NWD2: variants seen among roughly 807,000 people sequenced by gnomAD.
The protein encoded by NWD2 is NACHT and WD repeat domain containing 2.
In NWD2, 37 loss-of-function variants were observed where a neutral mutation model predicts 132.7. The observed-to-expected ratio is 0.28, with a 90% CI of 0.21 to 0.37. NWD2 has a LOEUF of 0.37. Among genes scored for constraint, NWD2 ranks in the 10% least tolerant of loss-of-function variants. The probability of loss-of-function intolerance (pLI) is 1.00; values close to 1 mark genes in which losing one functional copy is unlikely to be tolerated. For missense variants in NWD2, 1,592 were observed against 2,122.4 expected, an observed-to-expected ratio of 0.75 and a Z score of 4.91; for synonymous variants, 705 against 803.0, an observed-to-expected ratio of 0.88 and a Z score of 2.06.
chr4:37,360,290 G>A (rs986442809), intron 3 of NWD2, among the ~76,000 whole-genome samples: 4 of 152,054 alleles, frequency 2.6e-5, no homozygotes, highest in Non-Finnish European at 5.9e-5. Flanking sequence ...TTTCAAATAA[G>A]AATAAAAAGT....
chr4:37,400,451 G>A (rs1194982241), intron 3 of NWD2, among the ~76,000 whole-genome samples: 2 of 152,154 alleles, frequency 1.3e-5, no homozygotes, highest in Non-Finnish European at 1.5e-5. Flanking sequence ...CCTCCCTTGA[G>A]TGACACAGAG....
intron 5 of NWD2, among the ~76,000 whole-genome samples, chr4:37,437,988 G>A (rs779504979): frequency 8.5e-5 from 13 of 152,096 alleles, no homozygotes; most frequent in East Asian, 5.8e-4. Context: ...TGGGCTGGGC[G>A]TGGTGGCTCA....
chr4:37,306,797 C>T (rs1267722300), intron 1 of NWD2, among the ~76,000 whole-genome samples: 7 of 151,994 alleles, frequency 4.6e-5, no homozygotes, highest in South Asian at 2.1e-4. Context: ...CCAAAGCAGG[C>T]GGATCACACG....
chr4:37,314,746 C>T lies in NWD2; in HGVS notation c.152-11190C>T, dbSNP rs558339548. On this transcript the variant is annotated intron_variant, in intron 1 of 6. Transcript: ENST00000309447. ...CTTTTTACTTTAGCAATTTTTCTCT[C>T]AGTTTTCTTTTATTGTTTCATTGAT... Among the ~76,000 whole-genome samples the T allele has an allele frequency of 5.3e-5, 8 of 152,144 alleles. No homozygotes were observed. The South Asian group carries it at 8.3e-4, about 16-fold the overall frequency.
chr4:37,339,103 A>G (rs1459332973), intron 2 of NWD2, among the ~76,000 whole-genome samples: 2 of 152,304 alleles, frequency 1.3e-5, no homozygotes, highest in East Asian at 3.9e-4. Flanking sequence ...GTCTCTTCAC[A>G]TTTCAGTCAT....
chr4:37,428,376 A>G (rs1051633140), intron 3 of NWD2, among the ~76,000 whole-genome samples: 1 of 152,262 alleles, frequency 6.6e-6, no homozygotes, highest in African/African-American at 2.4e-5. Flanking sequence ...CATGGATACA[A>G]TAAAGCAGAC....
At chr4:37,375,562 T>C (rs953348266) in intron 3 of NWD2, among the ~76,000 whole-genome samples, 25 of 146,988 alleles carry the variant, frequency 1.7e-4, no homozygotes, top group African/African-American at 6.2e-4. Context: ...TATTCTGGAA[T>C]TCACTTTTTT....
chr4:37,317,895 C>T (rs932781944), intron 1 of NWD2, among the ~76,000 whole-genome samples: 12 of 152,146 alleles, frequency 7.9e-5, no homozygotes, highest in African/African-American at 2.9e-4. Flanking sequence ...TTTAGGAGGA[C>T]ATGTTAATTT....
chr4:37,394,937 C>T (rs536441169), intron 3 of NWD2, among the ~76,000 whole-genome samples: 5 of 150,970 alleles, frequency 3.3e-5, no homozygotes, highest in South Asian at 2.1e-4. Flanking sequence ...CTCAGCCTCC[C>T]GAGTAGCTGG....
In NWD2 at chr4:37,371,078, C is replaced by CTTT. The variant is rs11378524; in HGVS notation, c.357+14611_357+14613dup. Among the ~76,000 whole-genome samples, 571 of 121,146 alleles carry CTTT rather than the reference C, an allele frequency of 4.7e-3. 18 individuals carry two copies. The highest frequency in any genetic ancestry group is 0.026 in the East Asian group (106 of 4,104). 79.5% of individuals were successfully genotyped at this position (121,146 alleles called of 152,430 possible). A position where few individuals can be genotyped will look rare whatever the true frequency, so the allele number is the denominator to read the frequency against. ...AGAAGTTCAATTTTTTTTTCTTTTTCTTTTTTTTTTTTTTTTTGAGACAGA... is the reference window on the plus strand; with the variant it reads ...AGAAGTTCAATTTTTTTTTCTTTTTCTTTTTTTTTTTTTTTTTTTTGAGACAGA... On this transcript the variant is annotated intron_variant, in intron 3 of 6. Transcript: ENST00000309447.
At chr4:37,291,397 C>T (rs1014062706) in intron 1 of NWD2, among the ~76,000 whole-genome samples, 5 of 151,834 alleles carry the variant, frequency 3.3e-5, no homozygotes, top group African/African-American at 1.2e-4. Context: ...ATCTCCATTA[C>T]CTTTTTGTAA....
At chr4:37,318,170 A>G (rs1371486059) in intron 1 of NWD2, among the ~76,000 whole-genome samples, 1 of 151,856 alleles carries the variant, frequency 6.6e-6, no homozygotes, top group Non-Finnish European at 1.5e-5. Flanking sequence ...GATTACAGGC[A>G]CCTGTCACCA....
intron 1 of NWD2, among the ~76,000 whole-genome samples, chr4:37,283,403 T>C (rs1656185): frequency 0.14 from 21,431 of 152,222 alleles, 1,641 homozygotes; most frequent in African/African-American, 0.18. Flanking sequence ...TATGTCTGTA[T>C]ATGTTACCTA....
At chr4:37,437,434 A>C (rs1712350529) in intron 5 of NWD2, among the ~76,000 whole-genome samples, 1 of 152,162 alleles carries the variant, frequency 6.6e-6, no homozygotes. Context: ...TCCTAACACT[A>C]TCACACTGAA....
At chr4:37,436,454 A>C (rs1712324001) in intron 5 of NWD2, among the ~76,000 whole-genome samples, 1 of 152,108 alleles carries the variant, frequency 6.6e-6, no homozygotes, top group African/African-American at 2.4e-5. Context: ...TGTGTACAGC[A>C]TTTATCCCCC....
chr4:37,348,791 G>A (rs962677566), intron 2 of NWD2, among the ~76,000 whole-genome samples: 1 of 149,868 alleles, frequency 6.7e-6, no homozygotes, highest in African/African-American at 2.5e-5. Context: ...CCATCGACCC[G>A]TCATCTACAT....
At chr4:37,416,115 C>G (rs1406738782) in intron 3 of NWD2, among the ~76,000 whole-genome samples, 3 of 152,172 alleles carry the variant, frequency 2.0e-5, no homozygotes, top group African/African-American at 2.4e-5. Flanking sequence ...TAGGGCTGGC[C>G]CCCCACAAGG....
intron 1 of NWD2, among the ~76,000 whole-genome samples, chr4:37,322,591 G>A (rs547633719): frequency 3.9e-5 from 6 of 152,272 alleles, no homozygotes; most frequent in South Asian, 2.1e-4. Context: ...TTAAAGGTCC[G>A]TGAAGAGCTG....
chr4:37,366,520 G>C (rs1720101434), intron 3 of NWD2, among the ~76,000 whole-genome samples: 1 of 152,036 alleles, frequency 6.6e-6, no homozygotes, highest in Non-Finnish European at 1.5e-5. Context: ...CAAGCAGAAA[G>C]ATAACACAAC....
Sources: gnomAD v4.1 joint callset for allele counts (sites outside exome capture counted in the v4.1 genomes callset) on GRCh38, gnomAD v4.1.1 for gene constraint, MANE v1.5 for transcripts, NCBI Gene and HGNC (gene_info 2026-07-23, HGNC 2026-07-21) for gene names.